MECOM: variants seen among roughly 807,000 people sequenced by gnomAD.
MECOM encodes the protein MDS1 and EVI1 complex locus, also known as histone-lysine N-methyltransferase MECOM.
In MECOM, 13 loss-of-function variants were observed where a neutral mutation model predicts 116.3. The ratio of observed to expected loss-of-function variants is 0.11; its 90% confidence interval spans 0.07 to 0.18. The LOEUF is 0.18. Ranked by LOEUF, MECOM falls within the 10% of genes least tolerant of loss-of-function variation. The pLI is 1.00. For missense variants in MECOM, 1,299 were observed against 1,509.0 expected (o/e 0.86, Z 2.31); for synonymous variants, 528 against 535.2 (o/e 0.99, Z 0.19).
intron 1 of MECOM, among the ~76,000 whole-genome samples, chr3:169,552,715 G>A (rs73174350): frequency 0.021 from 3,242 of 152,032 alleles, 47 homozygotes; most frequent in Non-Finnish European, 0.033. Flanking sequence ...AAGAGTGCTG[G>A]GTGAGTCACT....
chr3:169,305,855 C>T (rs1283643431), intron 2 of MECOM, among the ~76,000 whole-genome samples: 2 of 151,148 alleles, frequency 1.3e-5, no homozygotes, highest in Non-Finnish European at 2.9e-5. Flanking sequence ...TTTTTTTCCC[C>T]TTCCCAATGA....
At chr3:169,452,953 C>A (rs1745849531) in intron 1 of MECOM, among the ~76,000 whole-genome samples, 1 of 152,134 alleles carries the variant, frequency 6.6e-6, no homozygotes, top group Non-Finnish European at 1.5e-5. Flanking sequence ...TAGTTATACA[C>A]AGAACTTTAA....
intron 1 of MECOM, among the ~76,000 whole-genome samples, chr3:169,417,368 C>T (rs1578036976): frequency 6.6e-6 from 1 of 151,990 alleles, no homozygotes; most frequent in Non-Finnish European, 1.5e-5. Flanking sequence ...TGCTCACCAT[C>T]ACTGGCCATC....
At chr3:169,476,670 T>C (rs970364452) in intron 1 of MECOM, among the ~76,000 whole-genome samples, 2 of 151,844 alleles carry the variant, frequency 1.3e-5, no homozygotes, top group Admixed American at 6.6e-5. Flanking sequence ...GCAAGTAATC[T>C]TTTTTTTCTC....
chr3:169,232,647 A>G (rs1166756510), intron 2 of MECOM, among the ~76,000 whole-genome samples: 1 of 31,720 alleles, frequency 3.2e-5, no homozygotes, highest in East Asian at 4.2e-4. Flanking sequence ...TTTGTAAAAT[A>G]TATATATATA....
At chr3:169,109,748 T>C (rs905189233) in intron 9 of MECOM, among the ~76,000 whole-genome samples, 3 of 152,194 alleles carry the variant, frequency 2.0e-5, no homozygotes, top group Admixed American at 1.3e-4. Flanking sequence ...ATTTTTAAAA[T>C]ACGTATTATT....
intron 1 of MECOM, among the ~76,000 whole-genome samples, chr3:169,539,268 T>C (rs1192053836): frequency 6.6e-6 from 1 of 152,180 alleles, no homozygotes; most frequent in Non-Finnish European, 1.5e-5. Context: ...GGCCTATGAT[T>C]CATTTGCCTG....
intron 1 of MECOM, among the ~76,000 whole-genome samples, chr3:169,642,583 A>G (rs945319996): frequency 2.6e-5 from 4 of 152,066 alleles, no homozygotes; most frequent in Non-Finnish European, 5.9e-5. Flanking sequence ...GAGAAGATAA[A>G]AGAGCAAAAA....
chr3:169,636,726 T>A (rs1577218095), intron 1 of MECOM, among the ~76,000 whole-genome samples: 1 of 152,304 alleles, frequency 6.6e-6, no homozygotes, highest in East Asian at 1.9e-4. Flanking sequence ...TTTCCTGATA[T>A]TTTAGAGAAT....
intron 1 of MECOM, among the ~76,000 whole-genome samples, chr3:169,606,685 A>G (rs1023567698): frequency 3.9e-5 from 6 of 152,290 alleles, no homozygotes; most frequent in Non-Finnish European, 8.8e-5. Context: ...AAGAACATTC[A>G]GGGTTCCAGA....
chr3:169,121,500 A>G (rs1350676442), intron 6 of MECOM, among the ~76,000 whole-genome samples: 4 of 152,292 alleles, frequency 2.6e-5, no homozygotes, highest in Admixed American at 2.6e-4. Context: ...ATTTAGAGTG[A>G]CTTGAGTTGA....
chr3:169,217,555 C>T (rs111863492), intron 2 of MECOM, among the ~76,000 whole-genome samples: 14 of 152,152 alleles, frequency 9.2e-5, no homozygotes, highest in Non-Finnish European at 1.5e-4. Flanking sequence ...GAGGCCAAGG[C>T]GGGCAGATCA....
At chr3:169,204,080 T>C (rs1439762058) in intron 2 of MECOM, among the ~76,000 whole-genome samples, 1 of 152,196 alleles carries the variant, frequency 6.6e-6, no homozygotes, top group African/African-American at 2.4e-5. Context: ...GGCCAGTTCA[T>C]GCCACAGCCC....
chr3:169,594,816 C>G (rs1375015938), intron 1 of MECOM, among the ~76,000 whole-genome samples: 2 of 144,404 alleles, frequency 1.4e-5, no homozygotes, highest in Non-Finnish European at 3.0e-5. Flanking sequence ...GGCAACACAG[C>G]AGGCCTAGTA....
At chr3:169,405,830 C>A (rs1736614161) in intron 1 of MECOM, among the ~76,000 whole-genome samples, 1 of 152,152 alleles carries the variant, frequency 6.6e-6, no homozygotes, top group Non-Finnish European at 1.5e-5. Flanking sequence ...TCAGGAGTGG[C>A]CCCCAAATTT....
rs1160708080 is a variant in MECOM, at chr3:169,249,867, C to T, written c.376-106035G>A. Among the ~76,000 whole-genome samples the T allele has an allele frequency of 2.6e-5, 4 of 152,334 alleles. No homozygotes were observed. In the South Asian group the frequency reaches 6.2e-4, roughly 24 times the overall value. ...GATGAACCAACCAATTTAAATTTCA[C>T]ACTCTCCTCTGCTATAATTGAAAGG... On this transcript the variant is annotated intron_variant, in intron 2 of 16. Transcript: ENST00000651503.
intron 1 of MECOM, among the ~76,000 whole-genome samples, chr3:169,657,313 A>G (rs1340252816): frequency 6.6e-6 from 1 of 152,268 alleles, no homozygotes; most frequent in African/African-American, 2.4e-5. Flanking sequence ...TAACCCCTAC[A>G]CAGCCACACG....
chr3:169,620,992 T>C (rs1480892733), intron 1 of MECOM, among the ~76,000 whole-genome samples: 1 of 152,132 alleles, frequency 6.6e-6, no homozygotes, highest in Non-Finnish European at 1.5e-5. Context: ...CTTAAGAAAG[T>C]CACTTTACCT....
intron 1 of MECOM, among the ~76,000 whole-genome samples, chr3:169,422,201 T>C (rs571928028): frequency 1.3e-4 from 20 of 152,268 alleles, no homozygotes; most frequent in Non-Finnish European, 2.8e-4. Context: ...TCACATCCCT[T>C]TGTTATTTTA....
Sources: allele counts gnomAD v4.1 joint callset (sites outside exome capture counted in the v4.1 genomes callset), GRCh38; gene constraint gnomAD v4.1.1; transcripts MANE v1.5; gene names NCBI Gene and HGNC (gene_info 2026-07-23, HGNC 2026-07-21).